Variants in AARSD1 observed in about 807,000 individuals in gnomAD.
AARSD1 encodes alanyl-tRNA editing protein Aarsd1.
AARSD1 carries 44 observed loss-of-function variants against 48.7 expected under a neutral mutation model. That is an observed-to-expected ratio of 0.90 (90% CI 0.71 to 1.16). The LOEUF is 1.16. Ranked by LOEUF, AARSD1 falls within the 50% of genes most tolerant of loss-of-function variation. The probability of loss-of-function intolerance (pLI) is 0.00; values close to 1 mark genes in which losing one functional copy is unlikely to be tolerated. For missense variants in AARSD1, 511 were observed against 523.1 expected, an observed-to-expected ratio of 0.98 and a Z score of 0.23; for synonymous variants, 189 against 194.9, an observed-to-expected ratio of 0.97 and a Z score of 0.25.
At chr17:42,961,433 G>A (rs192768575) in intron 2 of AARSD1, 82 bp from the exon 3 acceptor site, 2 of 1,589,832 alleles carry the variant, frequency 1.3e-6, no homozygotes, top group East Asian at 2.2e-5. Flanking sequence ...TAGGGTGAGA[G>A]ACCCAGAATC....
chr17:42,958,034 G>T (rs1361498042), intron 3 of AARSD1, among the ~76,000 whole-genome samples: 1 of 152,054 alleles, frequency 6.6e-6, no homozygotes, highest in Non-Finnish European at 1.5e-5. Flanking sequence ...GACAAGCAAG[G>T]CCAGGATGCA....
intron 3 of AARSD1, among the ~76,000 whole-genome samples, chr17:42,960,647 G>T (rs536960985): frequency 6.7e-6 from 1 of 149,824 alleles, no homozygotes; most frequent in African/African-American, 2.5e-5. Context: ...GCTTGAACCC[G>T]AGAGGCAGAG....
At chr17:42,954,775 G>A (rs2049524052) in intron 9 of AARSD1, 101 bp downstream of exon 9, 1 of 1,318,506 alleles carries the variant, frequency 7.6e-7, no homozygotes, top group African/African-American at 1.5e-5. Context: ...GAGAATACCA[G>A]TGAGCAATCC....
chr17:42,953,627 G>A, intron 10 of AARSD1, 97 bp downstream of exon 10: 1 of 1,467,368 alleles, frequency 6.8e-7, no homozygotes, highest in Non-Finnish European at 9.5e-7. Flanking sequence ...CTCCTCATGT[G>A]TTCATGTGGA....
At position 42,951,804 on chromosome 17, in the gene AARSD1, GC is replaced by G; in HGVS notation, c.1098del (p.Arg368GlyfsTer24). ...AGPPASVETLGPRVAEVLEGK... is the reference protein window; with the variant it reads ...AGPPASVETLXPRVAEVLEGK... ...AGAGAGTCCACAAAGAATTACCTGG[GC>G]CCCAGGGTCTCCACAGACGCAGGTG... On this transcript the variant is annotated frameshift_variant, in exon 11 of 12. Transcript: ENST00000427569. LOFTEE classifies it high-confidence loss of function. 6.2e-7 allele frequency: 1 copy of G among 1,614,116 alleles called. No homozygotes were observed. The highest frequency in any genetic ancestry group is 8.5e-7 in the Non-Finnish European group (1 of 1,180,004).
In AARSD1 at chr17:42,952,055, G is replaced by C. The variant is rs529532931; in HGVS notation, c.1009-161C>G. ...ATACAGCCCCTCCACACTGGCCCAC[G>C]AGGGCCAAGAAACTTTTTGAGAGCA... On this transcript the variant is annotated intron_variant, in intron 10 of 11. Coordinates refer to ENST00000427569, the MANE Select transcript of AARSD1 (RefSeq NM_001261434.2). 6.0e-5 allele frequency: 46 copies of C among 764,040 alleles called. 1 individual carries two copies. The South Asian group carries it at 9.2e-4, about 15-fold the overall frequency. 47.3% of individuals were successfully genotyped at this position (764,040 alleles called of 1,614,324 possible). A position where few individuals can be genotyped will look rare whatever the true frequency, so the allele number is the denominator to read the frequency against.
chr17:42,956,584 G>A (rs1419745861), intron 4 of AARSD1, 24 bp from the exon 5 acceptor site: 1 of 1,522,658 alleles, frequency 6.6e-7, no homozygotes, highest in African/African-American at 1.4e-5. Context: ...AGTGGCCACA[G>A]ATAACATATC....
At chr17:42,961,015 G>C (rs1231670444) in intron 3 of AARSD1, 177 bp downstream of exon 3, 18 of 1,052,350 alleles carry the variant, frequency 1.7e-5, no homozygotes, top group Non-Finnish European at 2.2e-5. Context: ...TTTTACTTCA[G>C]TTGTTCATGT....
chr17:42,962,454 G>T (rs948281134), intron 2 of AARSD1, among the ~76,000 whole-genome samples: 6 of 152,096 alleles, frequency 3.9e-5, no homozygotes, highest in African/African-American at 1.4e-4. Flanking sequence ...ACAGACAATT[G>T]CAATATGACC....
intron 10 of AARSD1, 32 bp from the exon 11 acceptor site, chr17:42,951,926 T>C (rs751206860): frequency 1.2e-6 from 2 of 1,609,688 alleles, no homozygotes; most frequent in South Asian, 2.2e-5. Context: ...TAAGCTCTGA[T>C]ACTGAAGGAT....
chr17:42,959,830 A>C (rs2151942687), intron 3 of AARSD1, among the ~76,000 whole-genome samples: 1 of 151,582 alleles, frequency 6.6e-6, no homozygotes, highest in Admixed American at 6.6e-5. Flanking sequence ...TGCCTGGCTA[A>C]TTTTTGTATT....
intron 2 of AARSD1, 115 bp downstream of exon 2, chr17:42,963,991 G>A: frequency 6.6e-7 from 1 of 1,513,008 alleles, no homozygotes; most frequent in African/African-American, 1.4e-5. Flanking sequence ...ATAACAAAAT[G>A]AATTAAACTA....
chr17:42,958,151 T>G (rs1224800168), intron 3 of AARSD1, among the ~76,000 whole-genome samples: 1 of 152,114 alleles, frequency 6.6e-6, no homozygotes, highest in African/African-American at 2.4e-5. Context: ...CACGAAGACC[T>G]ACAGGAAGCC....
intron 11 of AARSD1, among the ~76,000 whole-genome samples, chr17:42,951,453 T>C: frequency 6.6e-6 from 1 of 152,178 alleles, no homozygotes; most frequent in Non-Finnish European, 1.5e-5. Flanking sequence ...CTTGAGTGGC[T>C]GAGGCAGGAA....
intron 2 of AARSD1, 152 bp downstream of exon 2, chr17:42,963,954 A>G: frequency 7.3e-7 from 1 of 1,364,740 alleles, no homozygotes; most frequent in African/African-American, 1.5e-5. Context: ...CTAGATAAGC[A>G]ATTGCTGATA....
chr17:42,952,962 T>C (rs1320247564), intron 10 of AARSD1, among the ~76,000 whole-genome samples: 1 of 151,948 alleles, frequency 6.6e-6, no homozygotes, highest in East Asian at 1.9e-4. Flanking sequence ...TACAGGCACC[T>C]GCCACCACAC....
intron 3 of AARSD1, among the ~76,000 whole-genome samples, chr17:42,958,999 C>T (rs925268338): frequency 1.3e-5 from 2 of 150,104 alleles, no homozygotes; most frequent in African/African-American, 4.9e-5. Flanking sequence ...GAGTTCAAGA[C>T]CAGCCTGGCC....
intron 9 of AARSD1, 91 bp from the exon 10 acceptor site, chr17:42,953,869 G>A: frequency 2.0e-6 from 3 of 1,521,824 alleles, no homozygotes; most frequent in Non-Finnish European, 1.8e-6. Flanking sequence ...GGCTGGCCTT[G>A]CTGCCTATGT....
chr17:42,960,850 A>C (rs2049626565), intron 3 of AARSD1: 1 of 208,374 alleles, frequency 4.8e-6, no homozygotes, highest in South Asian at 1.0e-4. Context: ...CCCTGCGATG[A>C]ACACACAGGA....
Sources: allele counts gnomAD v4.1 joint callset (sites outside exome capture counted in the v4.1 genomes callset), GRCh38; gene constraint gnomAD v4.1.1; transcripts MANE v1.5; gene names NCBI Gene and HGNC (gene_info 2026-07-23, HGNC 2026-07-21).